PLCB1: variants seen among roughly 807,000 people sequenced by gnomAD.
PLCB1 encodes the protein 1-phosphatidylinositol 4,5-bisphosphate phosphodiesterase beta-1.
Under a neutral mutation model 161.8 loss-of-function variants are expected in PLCB1, and 46 were observed. That is an observed-to-expected ratio of 0.28 (90% CI 0.22 to 0.36). PLCB1 has a LOEUF of 0.36. Among genes scored for constraint, PLCB1 ranks in the 10% least tolerant of loss-of-function variants. The pLI, the probability that PLCB1 is intolerant of heterozygous loss-of-function variation, is 1.00. For missense variants in PLCB1, 1,016 were observed against 1,472.5 expected (o/e 0.69, Z 5.07); for synonymous variants, 517 against 503.7 (o/e 1.03, Z -0.35).
intron 3 of PLCB1, among the ~76,000 whole-genome samples, chr20:8,461,686 A>G (rs1386937469): frequency 3.3e-5 from 5 of 152,208 alleles, no homozygotes; most frequent in African/African-American, 4.8e-5. Flanking sequence ...ACAAAACTAC[A>G]TGCAGTTTTG....
At chr20:8,670,690 G>A (rs1315591576) in intron 9 of PLCB1, among the ~76,000 whole-genome samples, 3 of 152,228 alleles carry the variant, frequency 2.0e-5, no homozygotes, top group African/African-American at 7.2e-5. Flanking sequence ...AGAAGCCAGT[G>A]AAGTTCATGT....
At chr20:8,436,500 G>C (rs933907634) in intron 3 of PLCB1, among the ~76,000 whole-genome samples, 1 of 149,882 alleles carries the variant, frequency 6.7e-6, no homozygotes, top group East Asian at 1.9e-4. Context: ...TGTGGGAAGA[G>C]ATTGTTAATT....
chr20:8,175,758 C>A (rs552123592), intron 2 of PLCB1, among the ~76,000 whole-genome samples: 2 of 151,972 alleles, frequency 1.3e-5, no homozygotes, highest in Non-Finnish European at 2.9e-5. Flanking sequence ...AACCACATAT[C>A]TGCCAAAGGA....
rs1033613272 is a variant in PLCB1 at position 8,729,293 on chromosome 20, C to T, written c.1888+119C>T. 5 of 917,086 alleles carry T rather than the reference C, an allele frequency of 5.5e-6. No individual in the cohort carries two copies. In the African/African-American group the frequency reaches 6.8e-5, roughly 13 times the overall value. 56.8% of individuals were successfully genotyped at this position (917,086 alleles called of 1,614,324 possible). ...ACTTCACTGAAAAAATAAATAAAAG[C>T]AAATTTCAATGAAGGGAATATCAAT... On this transcript the variant is annotated intron_variant, in intron 18 of 31. Transcript: ENST00000338037.
chr20:8,834,931 T>C (rs1312129956), intron 31 of PLCB1, among the ~76,000 whole-genome samples: 1 of 152,040 alleles, frequency 6.6e-6, no homozygotes, highest in African/African-American at 2.4e-5. Flanking sequence ...ATGTTAACCT[T>C]TGTTCTATTC....
chr20:8,300,000 G>T (rs1983822965), intron 2 of PLCB1, among the ~76,000 whole-genome samples: 1 of 152,136 alleles, frequency 6.6e-6, no homozygotes, highest in South Asian at 2.1e-4. Flanking sequence ...CACAACAGTA[G>T]GCATTTGTCA....
chr20:8,564,487 G>A (rs1042296415), intron 3 of PLCB1, among the ~76,000 whole-genome samples: 2 of 152,082 alleles, frequency 1.3e-5, no homozygotes, highest in Non-Finnish European at 2.9e-5. Flanking sequence ...TGACAAATGG[G>A]ACCTAATTAA....
intron 3 of PLCB1, among the ~76,000 whole-genome samples, chr20:8,618,383 T>C (rs1988088385): frequency 1.3e-5 from 2 of 152,106 alleles, no homozygotes; most frequent in African/African-American, 4.8e-5. Context: ...TTGTACTGGC[T>C]GGGTGCAGTG....
At chr20:8,879,651 G>A (rs1987903231) in intron 31 of PLCB1, among the ~76,000 whole-genome samples, 1 of 152,074 alleles carries the variant, frequency 6.6e-6, no homozygotes, top group Admixed American at 6.5e-5. Context: ...TCAGAACTTT[G>A]GGATAGATAA....
intron 27 of PLCB1, among the ~76,000 whole-genome samples, chr20:8,786,691 GTTT>G (rs539647446): frequency 7.1e-6 from 1 of 141,472 alleles, no homozygotes. Flanking sequence ...AATCTTTTTT[GTTT>G]TTTTTTTTTT....
intron 1 of PLCB1, among the ~76,000 whole-genome samples, chr20:8,137,775 T>C (rs1349845594): frequency 6.6e-6 from 1 of 152,220 alleles, no homozygotes; most frequent in Non-Finnish European, 1.5e-5. Context: ...CTTCTAAGGG[T>C]AACCCTTATC....
At chr20:8,555,418 G>A (rs73076108) in intron 3 of PLCB1, among the ~76,000 whole-genome samples, 22 of 152,158 alleles carry the variant, frequency 1.4e-4, no homozygotes, top group Non-Finnish European at 2.9e-4. Flanking sequence ...GAAGCAAGAA[G>A]AAAACACAAA....
chr20:8,774,613 C>T lies in PLCB1; in HGVS notation c.3005C>T (p.Thr1002Ile), dbSNP rs1369002675. Reference protein sequence around the residue: ...QDLAALDAEMTQKLIDLKDKQ... With the variant: ...QDLAALDAEMIQKLIDLKDKQ... Reference sequence around the variant, plus strand: ...CTCGCTGCTCTGGATGCTGAAATGACCCAAAAGTTAATAGACTTGAAGGAC... The same window carrying T: ...CTCGCTGCTCTGGATGCTGAAATGATCCAAAAGTTAATAGACTTGAAGGAC... The change falls in exon 27 of 32, where the codon ACC (threonine) becomes ATC (isoleucine). Residue 1002 changes from threonine (T) to isoleucine (I), a missense_variant. By Grantham distance (89) the Thr-to-Ile change is moderately conservative. Coordinates refer to ENST00000338037, the MANE Select transcript of PLCB1 (RefSeq NM_015192.4). 1 of 1,613,792 alleles carries T rather than the reference C, an allele frequency of 6.2e-7. No homozygotes were observed. Among genetic ancestry groups the T allele is most frequent in the African/African-American group, 1.3e-5 (1 of 74,902 alleles).
chr20:8,506,355 A>G (rs1017638585), intron 3 of PLCB1, among the ~76,000 whole-genome samples: 1 of 152,210 alleles, frequency 6.6e-6, no homozygotes, highest in African/African-American at 2.4e-5. Context: ...AGAAGGTTTT[A>G]TAAGCACCTC....
intron 31 of PLCB1, among the ~76,000 whole-genome samples, chr20:8,863,303 A>G (rs1356691014): frequency 1.3e-5 from 2 of 152,242 alleles, no homozygotes; most frequent in Non-Finnish European, 2.9e-5. Flanking sequence ...ATAATCAAGT[A>G]TGTTTGGGTT....
Position 8,497,560 on chromosome 20 carries a change from C to T in PLCB1, c.246+126110C>T, listed in dbSNP as rs547592469. Among the ~76,000 whole-genome samples, 479 of 152,250 alleles carry T rather than the reference C, an allele frequency of 3.1e-3. 2 individuals carry two copies. Among genetic ancestry groups the T allele is most frequent in the South Asian group, 0.016 (78 of 4,818 alleles). Reference sequence around the variant, plus strand: ...TTGTGAAGGCTGCTCATAACAGTTACAAGCTAATTAATTATAAAAGATTTA... The same window carrying T: ...TTGTGAAGGCTGCTCATAACAGTTATAAGCTAATTAATTATAAAAGATTTA... On this transcript the variant is annotated intron_variant, in intron 3 of 31. Transcript: ENST00000338037.
intron 3 of PLCB1, among the ~76,000 whole-genome samples, chr20:8,408,461 A>C (rs1156597858): frequency 6.6e-6 from 1 of 152,136 alleles, no homozygotes; most frequent in African/African-American, 2.4e-5. Context: ...GAAAGAAAGA[A>C]AAAGGAAAAA....
intron 12 of PLCB1, among the ~76,000 whole-genome samples, chr20:8,710,198 G>A (rs1978921116): frequency 6.6e-6 from 1 of 152,106 alleles, no homozygotes; most frequent in Non-Finnish European, 1.5e-5. Context: ...TTTTACTCAC[G>A]GGAAGACAGA....
At chr20:8,217,325 AAGG>A (rs1281222218) in intron 2 of PLCB1, among the ~76,000 whole-genome samples, 6 of 152,224 alleles carry the variant, frequency 3.9e-5, no homozygotes, top group African/African-American at 1.4e-4. Flanking sequence ...GGTAGAGTTG[AAGG>A]CCAAGATCTG....
Sources: allele counts gnomAD v4.1 joint callset (sites outside exome capture counted in the v4.1 genomes callset), GRCh38; gene constraint gnomAD v4.1.1; transcripts MANE v1.5; gene names NCBI Gene and HGNC (gene_info 2026-07-23, HGNC 2026-07-21).